Variants in ATRNL1 observed in about 807,000 individuals in gnomAD.
The protein encoded by ATRNL1 is attractin like 1.
ATRNL1 carries 95 observed loss-of-function variants against 182.7 expected under a neutral mutation model. The ratio of observed to expected loss-of-function variants is 0.52; its 90% CI spans 0.44 to 0.62. The LOEUF is 0.62. Among genes scored for constraint, ATRNL1 ranks in the 20% least tolerant of loss-of-function variants. The pLI is 0.00. For missense variants in ATRNL1, 1,471 were observed against 1,679.5 expected (o/e 0.88, Z 2.17); for synonymous variants, 576 against 568.3 (o/e 1.01, Z -0.19).
intron 9 of ATRNL1, among the ~76,000 whole-genome samples, chr10:115,236,128 C>T (rs1467908460): frequency 1.3e-5 from 2 of 152,084 alleles, no homozygotes; most frequent in Non-Finnish European, 2.9e-5. Context: ...TTTGTGCACT[C>T]CTTTACCTTC....
At chr10:115,313,583 C>A (rs1854143815) in intron 17 of ATRNL1, among the ~76,000 whole-genome samples, 1 of 152,044 alleles carries the variant, frequency 6.6e-6, no homozygotes, top group African/African-American at 2.4e-5. Flanking sequence ...TATTCTTTCC[C>A]CAGTATTTTA....
chr10:115,367,955 G>A (rs1554946612), intron 19 of ATRNL1, among the ~76,000 whole-genome samples: 2 of 151,698 alleles, frequency 1.3e-5, no homozygotes, highest in African/African-American at 4.8e-5. Context: ...AGTCTGCAGA[G>A]GTTACTGCTG....
At chr10:115,674,384 A>G (rs1158724812) in intron 26 of ATRNL1, among the ~76,000 whole-genome samples, 1 of 152,118 alleles carries the variant, frequency 6.6e-6, no homozygotes, top group Admixed American at 6.6e-5. Context: ...CATGTAGTGT[A>G]AGTGAAAAAC....
intron 28 of ATRNL1, among the ~76,000 whole-genome samples, chr10:115,919,522 G>A (rs1433891128): frequency 1.3e-5 from 2 of 152,084 alleles, no homozygotes; most frequent in Non-Finnish European, 1.5e-5. Flanking sequence ...AAATCACAGT[G>A]AATGTTGACT....
At chr10:115,727,517 T>C (rs1264069737) in intron 27 of ATRNL1, among the ~76,000 whole-genome samples, 162 bp downstream of exon 27, 1 of 152,248 alleles carries the variant, frequency 6.6e-6, no homozygotes, top group South Asian at 2.1e-4. Context: ...ATAGTTTTAA[T>C]AGTATGACAT....
intron 18 of ATRNL1, among the ~76,000 whole-genome samples, chr10:115,316,569 C>G (rs564352415): frequency 3.4e-4 from 51 of 152,220 alleles, no homozygotes; most frequent in African/African-American, 1.2e-3. Context: ...GCCTCGCTAA[C>G]ATCTATTGTT....
At chr10:115,693,833 A>G (rs1258050838) in intron 26 of ATRNL1, among the ~76,000 whole-genome samples, 1 of 152,160 alleles carries the variant, frequency 6.6e-6, no homozygotes, top group African/African-American at 2.4e-5. Context: ...GGGTAGCTCC[A>G]TTAAATTCTC....
At position 115,904,231 on chromosome 10, in the gene ATRNL1, G is replaced by A. The variant is rs558800576; in HGVS notation, c.4019-40427G>A. 6.6e-5 allele frequency among the ~76,000 whole-genome samples: 10 copies of A among 152,304 alleles called. No individual in the cohort carries two copies. In the South Asian group the frequency reaches 1.9e-3, roughly 28 times the overall value. On this transcript the variant is annotated intron_variant, in intron 28 of 28. Transcript: ENST00000355044. ...ACTCCCACCAGGCTCAGCATTGGTT[G>A]GCTGGGACCATCCTGGAAGAATTTG...
chr10:115,451,712 A>T (rs1847290577), intron 21 of ATRNL1, among the ~76,000 whole-genome samples: 1 of 152,136 alleles, frequency 6.6e-6, no homozygotes, highest in Non-Finnish European at 1.5e-5. Flanking sequence ...CAATTCCTCA[A>T]AGAGCCAAAA....
At chr10:115,543,772 A>G (rs1464475084) in intron 25 of ATRNL1, among the ~76,000 whole-genome samples, 1 of 152,206 alleles carries the variant, frequency 6.6e-6, no homozygotes, top group Non-Finnish European at 1.5e-5. Context: ...TACATTAAGA[A>G]TCCTTTCAAA....
intron 19 of ATRNL1, among the ~76,000 whole-genome samples, chr10:115,341,725 T>C (rs1237647916): frequency 6.6e-6 from 1 of 152,180 alleles, no homozygotes; most frequent in Non-Finnish European, 1.5e-5. Flanking sequence ...TTTAAAACTG[T>C]TATATCTTCT....
intron 18 of ATRNL1, 123 bp downstream of exon 18, chr10:115,315,859 T>G (rs1554929505): frequency 2.7e-6 from 2 of 749,432 alleles, no homozygotes; most frequent in Non-Finnish European, 4.2e-6. Context: ...GAGACTAAAA[T>G]GTCAAAGATA....
At chr10:115,388,097 G>A (rs557114541) in intron 19 of ATRNL1, among the ~76,000 whole-genome samples, 31 of 152,240 alleles carry the variant, frequency 2.0e-4, no homozygotes, top group African/African-American at 7.5e-4. Flanking sequence ...TTAGTATCAA[G>A]GCATAAGCCT....
At chr10:115,889,725 G>A (rs961495515) in intron 28 of ATRNL1, among the ~76,000 whole-genome samples, 12 of 152,044 alleles carry the variant, frequency 7.9e-5, no homozygotes, top group Non-Finnish European at 1.6e-4. Flanking sequence ...TCTTAACCAC[G>A]ACACCACATT....
intron 28 of ATRNL1, among the ~76,000 whole-genome samples, chr10:115,859,546 A>C (rs776405054): frequency 1.3e-5 from 2 of 152,182 alleles, no homozygotes; most frequent in Non-Finnish European, 2.9e-5. Context: ...ACTTGAGAAA[A>C]TATGTAAAGG....
intron 26 of ATRNL1, among the ~76,000 whole-genome samples, chr10:115,624,960 A>G (rs1857996233): frequency 6.6e-6 from 1 of 152,146 alleles, no homozygotes; most frequent in Non-Finnish European, 1.5e-5. Flanking sequence ...TTTTCAGGCA[A>G]TATTAGTTTA....
At chr10:115,176,173 T>A (rs1554886640) in intron 8 of ATRNL1, among the ~76,000 whole-genome samples, 4 of 152,154 alleles carry the variant, frequency 2.6e-5, no homozygotes, top group Non-Finnish European at 5.9e-5. Context: ...TTCTTGTAAA[T>A]TTGTTTGAGT....
At chr10:115,529,660 A>G (rs1851448071) in intron 25 of ATRNL1, among the ~76,000 whole-genome samples, 2 of 152,000 alleles carry the variant, frequency 1.3e-5, no homozygotes, top group South Asian at 4.1e-4. Context: ...TATCCTCCTG[A>G]ATCATATAGG....
rs1487974542 is a variant in ATRNL1 at position 115,944,941 on chromosome 10, T to A, written c.*162T>A. On this transcript the variant is annotated 3_prime_UTR_variant, in exon 29 of 29. Coordinates refer to ENST00000355044, the MANE Select transcript of ATRNL1 (RefSeq NM_207303.4). ...AATGACCCAGGTGGCCAAAGAATGT[T>A]CATGAGTTTTATAAAAGTATTGATG... 1.3e-6 allele frequency: 1 copy of A among 762,750 alleles called. No individual in the cohort carries two copies. The highest frequency in any genetic ancestry group is 1.9e-6 in the Non-Finnish European group (1 of 533,190). 47.2% of individuals were successfully genotyped at this position (762,750 alleles called of 1,614,324 possible).
Sources: gnomAD v4.1 joint callset for allele counts (sites outside exome capture counted in the v4.1 genomes callset) on GRCh38, gnomAD v4.1.1 for gene constraint, MANE v1.5 for transcripts, NCBI Gene and HGNC (gene_info 2026-07-23, HGNC 2026-07-21) for gene names.